The following DYNC2H1 variants were observed in gnomAD, a reference collection of about 807,000 sequenced individuals.
The protein encoded by DYNC2H1 is cytoplasmic dynein 2 heavy chain 1.
A neutral mutation model predicts 570.0 loss-of-function variants in DYNC2H1; 410 were observed. The ratio of observed to expected loss-of-function variants is 0.72; its 90% confidence interval spans 0.66 to 0.78. DYNC2H1 has a LOEUF of 0.78. DYNC2H1 is among the 30% of genes least tolerant of loss of function. The pLI is 0.00. For missense variants in DYNC2H1, 4,865 were observed against 5,046.4 expected, an observed-to-expected ratio of 0.96 and a Z score of 1.09; for synonymous variants, 1,688 against 1,677.6, an observed-to-expected ratio of 1.01 and a Z score of -0.15.
At chr11:103,116,458 T>C in intron 4 of DYNC2H1, 112 bp from the exon 5 acceptor site, 2 of 726,592 alleles carry the variant, frequency 2.8e-6, no homozygotes, top group Non-Finnish European at 2.0e-6. Context: ...GAGGAGAAAA[T>C]AATATGGCAA....
rs1385024704 is a variant in DYNC2H1 at position 103,326,716 on chromosome 11, A to G, written c.12039+2726A>G. ...GTGCACACGATCCTGCGGGGTGGCT[A>G]TGGAGGGGCTCGGCAGTGGGAAGGC... On this transcript the variant is annotated intron_variant, in intron 82 of 88. Transcript: ENST00000375735. This position sits in a 1 kb window ranked among gnomAD's most constrained non-coding sequence, Gnocchi z 6.1. Among the ~76,000 whole-genome samples the G allele has an allele frequency of 6.6e-6, 1 of 152,134 alleles. No individual in the cohort carries two copies. Among genetic ancestry groups the G allele is most frequent in the African/African-American group, 2.4e-5 (1 of 41,446 alleles).
At chr11:103,328,067 G>A (rs1938586944) in intron 82 of DYNC2H1, among the ~76,000 whole-genome samples, 4 of 152,038 alleles carry the variant, frequency 2.6e-5, no homozygotes, top group Admixed American at 6.6e-5. Flanking sequence ...TTACTCACTC[G>A]AATATAGCAA....
At position 103,133,686 on chromosome 11, in the gene DYNC2H1, G is replaced by A. The variant is rs1859387014; in HGVS notation, c.2085G>A (p.Trp695Ter). 6.2e-7 allele frequency: 1 copy of A among 1,609,078 alleles called. No homozygotes were observed. ...LATENRKLRKWHTTFCEKVVV... is the reference protein window; with the variant it reads ...LATENRKLRK ...CTGAAAATAGAAAACTGAGAAAATG[G>A]CACACTACATTTTGTGAAAAGGTAT... Residue 695 changes from tryptophan (W) to a stop codon, truncating the protein, a stop_gained, in exon 14 of 89, where the codon TGG becomes TGA. Transcript: ENST00000375735. LOFTEE classifies it high-confidence loss of function. The surrounding 1 kb of genome is among the most constrained non-coding windows in gnomAD (Gnocchi z 4.8).
chr11:103,412,668 T>C (rs7948029), intron 84 of DYNC2H1, among the ~76,000 whole-genome samples: 3,896 of 152,270 alleles, frequency 0.026, 65 homozygotes, highest in Non-Finnish European at 0.039. Context: ...CCTTCAGCAA[T>C]ATGGCAAAAA....
chr11:103,114,189 A>AT lies in DYNC2H1; in HGVS notation c.454dup (p.Ser152PhefsTer4). 1.9e-6 allele frequency: 3 copies of AT among 1,602,780 alleles called. No homozygotes were observed. Among genetic ancestry groups the AT allele is most frequent in the Non-Finnish European group, 2.6e-6 (3 of 1,173,850 alleles). On this transcript the variant is annotated frameshift_variant, in exon 3 of 89. Transcript: ENST00000375735. LOFTEE classifies it high-confidence loss of function. ...CTGGGTTGGGTATAGTTCTACGAAGATCAGACACTAACTTAACAAAATTGA... is the reference window on the plus strand; with the variant it reads ...CTGGGTTGGGTATAGTTCTACGAAGATTCAGACACTAACTTAACAAAATTGA...
intron 84 of DYNC2H1, chr11:103,405,528 T>C (rs1304869243): frequency 6.6e-6 from 1 of 151,776 alleles, no homozygotes; most frequent in African/African-American, 2.4e-5. Flanking sequence ...GGAGGAGAAG[T>C]CAGAAGTTCA....
intron 3 of DYNC2H1, 45 bp from the exon 4 acceptor site, chr11:103,115,132 T>TC (rs772679857): frequency 7.1e-7 from 1 of 1,399,200 alleles, no homozygotes. Flanking sequence ...CATTTTTTTT[T>TC]CTCTGATATT....
chr11:103,114,741 AT>A (rs896934596), intron 3 of DYNC2H1, among the ~76,000 whole-genome samples: 1 of 151,908 alleles, frequency 6.6e-6, no homozygotes, highest in African/African-American at 2.4e-5. Flanking sequence ...TAACCTTATT[AT>A]TTTTTTTCTG....
chr11:103,390,784 T>C (rs1942112102), intron 83 of DYNC2H1, among the ~76,000 whole-genome samples: 1 of 152,202 alleles, frequency 6.6e-6, no homozygotes, highest in African/African-American at 2.4e-5. Flanking sequence ...TATGAAATTC[T>C]GGGTTGAAAA....
At chr11:103,221,767 G>T (rs1488469202) in intron 57 of DYNC2H1, among the ~76,000 whole-genome samples, 3 of 152,196 alleles carry the variant, frequency 2.0e-5, no homozygotes, top group Admixed American at 2.0e-4. Context: ...GAGCTGGGAG[G>T]ATCGCTTGAG....
At chr11:103,231,530 T>G (rs1864010570) in intron 60 of DYNC2H1, among the ~76,000 whole-genome samples, 184 bp downstream of exon 60, 1 of 152,036 alleles carries the variant, frequency 6.6e-6, no homozygotes, top group South Asian at 2.1e-4. Context: ...CCTTTTAACT[T>G]TTTTCTCTTT....
At chr11:103,146,387 T>G (rs996477570) in intron 18 of DYNC2H1, among the ~76,000 whole-genome samples, 3 of 152,186 alleles carry the variant, frequency 2.0e-5, no homozygotes, top group African/African-American at 7.2e-5. Context: ...AGCTTCTCTT[T>G]GGTTAGGACA....
intron 83 of DYNC2H1, among the ~76,000 whole-genome samples, chr11:103,376,840 C>A (rs907224890): frequency 9.2e-5 from 14 of 152,160 alleles, no homozygotes; most frequent in African/African-American, 3.4e-4. Flanking sequence ...GACGAATTAC[C>A]TCAGCTTTTA....
rs1397615219 is a variant in DYNC2H1 at position 103,147,776 on chromosome 11, G to A, written c.2707G>A (p.Val903Ile). The A allele has an allele frequency of 3.7e-6, 6 of 1,600,516 alleles. No homozygotes were observed. Among genetic ancestry groups the A allele is most frequent in the Non-Finnish European group, 5.1e-6 (6 of 1,172,244 alleles). The stretch of plus-strand genomic sequence containing the variant: ...ATGTCCATTGACATTTTTCAGTGCT[G>A]TCAAGGTAGATTGTTTAAATATTAA... ...GKEVERLPSAVKVDCLNINCN... is the reference protein window; with the variant it reads ...GKEVERLPSAIKVDCLNINCN... Residue 903 changes from valine to isoleucine, a missense_variant, in exon 19 of 89, where the codon GTC becomes ATC. Physicochemically the swap from Val to Ile is conservative, Grantham distance 29. This residue lies in a region of DYNC2H1 where 1,936 missense variants were observed against 1,962.1 expected (regional missense o/e 0.99). Transcript: ENST00000375735.
chr11:103,122,775 AT>A, intron 10 of DYNC2H1, 49 bp from the exon 11 acceptor site: 16 of 1,538,946 alleles, frequency 1.0e-5, no homozygotes, highest in South Asian at 2.4e-5. Flanking sequence ...CTTTATGCTA[AT>A]TTTTTTGGAA....
At chr11:103,197,583 G>A (rs1862552019) in intron 47 of DYNC2H1, among the ~76,000 whole-genome samples, 1 of 152,066 alleles carries the variant, frequency 6.6e-6, no homozygotes. Flanking sequence ...AAGTAGCTAG[G>A]ACCACAGGTG....
chr11:103,337,655 A>G (rs7926109), intron 82 of DYNC2H1, among the ~76,000 whole-genome samples: 18,611 of 152,118 alleles, frequency 0.12, 2,270 homozygotes, highest in African/African-American at 0.31. Flanking sequence ...ATTGTTTTCT[A>G]TACCCGTTGG....
intron 84 of DYNC2H1, among the ~76,000 whole-genome samples, chr11:103,433,565 TGTGA>T (rs1943967152): frequency 6.6e-6 from 1 of 152,274 alleles, no homozygotes; most frequent in East Asian, 1.9e-4. Flanking sequence ...GTTAGTCAAC[TGTGA>T]GTGAGAGGAG....
Position 103,249,184 on chromosome 11 carries a change from T to G in DYNC2H1, c.10042+3810T>G, listed in dbSNP as rs897203553. 6.6e-6 allele frequency among the ~76,000 whole-genome samples: 1 copy of G among 152,004 alleles called. No homozygotes were observed. The highest frequency in any genetic ancestry group is 2.1e-4 in the South Asian group (1 of 4,830). On this transcript the variant is annotated intron_variant, in intron 65 of 88. Transcript: ENST00000375735. This position sits in a 1 kb window ranked among gnomAD's most constrained non-coding sequence, Gnocchi z 4.6. ...CTATGAATAAGAGATGAGACAACAC[T>G]GAAGAGTCTTTTTTAGACAATAAAA... is the stretch of plus-strand genomic sequence containing the variant.
Sources: allele counts gnomAD v4.1 joint callset (sites outside exome capture counted in the v4.1 genomes callset), GRCh38; gene constraint gnomAD v4.1.1; regional missense constraint gnomAD v4.1.1; non-coding constraint Gnocchi (gnomAD v3.1); transcripts MANE v1.5; gene names NCBI Gene and HGNC (gene_info 2026-07-23, HGNC 2026-07-21).